The following OR51E2 variants were observed in gnomAD, a reference collection of about 807,000 sequenced individuals.
OR51E2 encodes olfactory receptor 51E2.
Under a neutral mutation model 13.7 loss-of-function variants are expected in OR51E2, and 14 were observed. The ratio of observed to expected loss-of-function variants is 1.02; its 90% CI spans 0.68 to 1.60. OR51E2 has a LOEUF of 1.60. Among genes scored for constraint, OR51E2 ranks in the 40% most tolerant of loss-of-function variants. The pLI, the probability that OR51E2 is intolerant of heterozygous loss-of-function variation, is 0.00. For missense variants in OR51E2, 483 were observed against 413.8 expected (o/e 1.17, Z -1.45); for synonymous variants, 180 against 157.6 (o/e 1.14, Z -1.07).
chr11:4,686,725 C>T (rs547868512), intron 1 of OR51E2, among the ~76,000 whole-genome samples: 1 of 152,148 alleles, frequency 6.6e-6, no homozygotes, highest in Non-Finnish European at 1.5e-5. Context: ...CTACCATGTT[C>T]ACGTAGCTAC....
intron 1 of OR51E2, chr11:4,690,971 G>A (rs1231669603): frequency 4.4e-6 from 2 of 454,070 alleles, no homozygotes; most frequent in African/African-American, 4.0e-5. Flanking sequence ...CAATGTGGGA[G>A]ACACATGTAC....
chr11:4,694,608 G>T (rs1351855846), intron 1 of OR51E2, among the ~76,000 whole-genome samples: 1 of 147,464 alleles, frequency 6.8e-6, no homozygotes, highest in Admixed American at 6.8e-5. Context: ...ACATATGCAG[G>T]GAGCTGAGCT....
intron 1 of OR51E2, chr11:4,690,947 T>C (rs1847570506): frequency 2.2e-6 from 1 of 454,406 alleles, no homozygotes; most frequent in Admixed American, 2.4e-5. Flanking sequence ...GAATGTAATA[T>C]ATAGCAAAAG....
At position 4,693,448 on chromosome 11, in the gene OR51E2, G is replaced by C. The variant is rs540826240; in HGVS notation, c.-51+4205C>G. Among the ~76,000 whole-genome samples, 4 of 152,334 alleles carry C rather than the reference G, an allele frequency of 2.6e-5. No individual in the cohort carries two copies. The South Asian group carries it at 8.3e-4, about 32-fold the overall frequency. ...TGTAAAAGTGTTGAGCAGGCTGGGC[G>C]CGGTGGCTCACGCCTGTAGTCCCAG... On this transcript the variant is annotated intron_variant, in intron 1 of 1. Transcript: ENST00000396950.
intron 1 of OR51E2, among the ~76,000 whole-genome samples, chr11:4,696,510 G>T (rs527467145): frequency 6.6e-6 from 1 of 152,132 alleles, no homozygotes; most frequent in East Asian, 1.9e-4. Context: ...GTTAGTAGTG[G>T]GTATTTGCAG....
At position 4,681,202 on chromosome 11, in the gene OR51E2, A is replaced by G. The variant is rs989713486; in HGVS notation, c.*547T>C. 1.3e-5 allele frequency: 2 copies of G among 156,884 alleles called. No individual in the cohort carries two copies. The highest frequency in any genetic ancestry group is 2.8e-5 in the Non-Finnish European group (2 of 71,064). 9.7% of individuals were successfully genotyped at this position (156,884 alleles called of 1,614,324 possible). A position where few individuals can be genotyped will look rare whatever the true frequency, so the allele number is the denominator to read the frequency against. ...CTGTCTCTACTAAAAAATACAGAAA[A>G]TTAGCCAGTCATGGTGGCACGTTCC... On this transcript the variant is annotated 3_prime_UTR_variant, in exon 2 of 2. Transcript: ENST00000396950.
intron 1 of OR51E2, among the ~76,000 whole-genome samples, chr11:4,683,661 C>T (rs76814136): frequency 0.068 from 10,303 of 152,240 alleles, 433 homozygotes; most frequent in Non-Finnish European, 0.099. Context: ...ATTAATTTTA[C>T]AATGATATTT....
intron 1 of OR51E2, among the ~76,000 whole-genome samples, chr11:4,692,764 G>A (rs1295314652): frequency 1.7e-4 from 25 of 151,242 alleles, no homozygotes; most frequent in Non-Finnish European, 2.9e-5. Flanking sequence ...TGACAAAAGA[G>A]AGGATGGAGA....
intron 1 of OR51E2, among the ~76,000 whole-genome samples, chr11:4,695,211 C>A (rs957623813): frequency 2.0e-5 from 3 of 152,110 alleles, no homozygotes; most frequent in Admixed American, 2.0e-4. Flanking sequence ...TTTTATTGAC[C>A]ACTGGAAGCA....
In OR51E2 at chr11:4,682,177, C is replaced by T. The variant is rs777767053; in HGVS notation, c.535G>A (p.Val179Ile). Residue 179 changes from valine (V) to isoleucine (I), a missense_variant, in exon 2 of 2, where the codon GTC becomes ATC. Transcript: ENST00000396950. ...HSNVLSHSYC[V>I]HQDVMKLAYA... Reference sequence around the variant, plus strand: ...GCCAACTTCATTACATCCTGGTGGACACAATAGGAGTGCGAGAGGACATTG... The same window carrying T: ...GCCAACTTCATTACATCCTGGTGGATACAATAGGAGTGCGAGAGGACATTG... The T allele has an allele frequency of 3.0e-5, 48 of 1,614,152 alleles. No individual in the cohort carries two copies. Among genetic ancestry groups the T allele is most frequent in the Non-Finnish European group, 4.1e-5 (48 of 1,180,012 alleles).
In OR51E2 at chr11:4,681,552, T is replaced by C. The variant is rs1000753420; in HGVS notation, c.*197A>G. On this transcript the variant is annotated 3_prime_UTR_variant, in exon 2 of 2. Coordinates refer to ENST00000396950, the MANE Select transcript of OR51E2 (RefSeq NM_030774.4). ...ATAAGCATGTTTGGTTTTATTGTAG[T>C]CTTTAAATCATGTAATACTTCATTA... 3 of 596,464 alleles carry C rather than the reference T, an allele frequency of 5.0e-6. No individual in the cohort carries two copies. The highest frequency in any genetic ancestry group is 3.7e-5 in the African/African-American group (2 of 54,028). 36.9% of individuals were successfully genotyped at this position (596,464 alleles called of 1,614,324 possible). A position where few individuals can be genotyped will look rare whatever the true frequency, so the allele number is the denominator to read the frequency against.
At chr11:4,688,569 G>A (rs116346675) in intron 1 of OR51E2, among the ~76,000 whole-genome samples, 70 of 152,264 alleles carry the variant, frequency 4.6e-4, no homozygotes, top group African/African-American at 1.6e-3. Context: ...AAGACAGGAT[G>A]CCCTTGGGGT....
At chr11:4,693,782 G>C (rs1847618567) in intron 1 of OR51E2, among the ~76,000 whole-genome samples, 1 of 152,056 alleles carries the variant, frequency 6.6e-6, no homozygotes, top group South Asian at 2.1e-4. Context: ...CACTTCTCTT[G>C]ATCTTGCTTT....
chr11:4,694,879 A>G (rs1305387281), intron 1 of OR51E2, among the ~76,000 whole-genome samples: 1 of 152,152 alleles, frequency 6.6e-6, no homozygotes, highest in African/African-American at 2.4e-5. Context: ...TGTTAACAGA[A>G]TGTATGCTTT....
intron 1 of OR51E2, among the ~76,000 whole-genome samples, chr11:4,694,091 C>G (rs1450638913): frequency 6.6e-6 from 1 of 152,118 alleles, no homozygotes; most frequent in Non-Finnish European, 1.5e-5. Flanking sequence ...TATGTAACCA[C>G]TTAAAAAAAT....
intron 1 of OR51E2, among the ~76,000 whole-genome samples, chr11:4,694,025 T>C (rs1470026157): frequency 6.6e-6 from 1 of 152,232 alleles, no homozygotes; most frequent in African/African-American, 2.4e-5. Context: ...TTCATGATTT[T>C]TAGTTCCTAC....
chr11:4,682,479 G>A lies in OR51E2; in HGVS notation c.233C>T (p.Pro78Leu). The A allele has an allele frequency of 6.2e-7, 1 of 1,614,206 alleles. No homozygotes were observed. Among genetic ancestry groups the A allele is most frequent in the Non-Finnish European group, 8.5e-7 (1 of 1,180,028 alleles). Residue 78 changes from proline to leucine, a missense_variant, in exon 2 of 2, where the codon CCT (proline) becomes CTT (leucine). Pro to Leu is a moderately conservative substitution (Grantham distance 98). Transcript: ENST00000396950. Reference protein sequence around the residue: ...IDLALSTSTMPKILALFWFDS... With the variant: ...IDLALSTSTMLKILALFWFDS... The stretch of plus-strand genomic sequence containing the variant: ...AAACCAGAAAAGGGCAAGGATCTTA[G>A]GCATGGTGGATGTGGATAAGGCCAG...
intron 1 of OR51E2, among the ~76,000 whole-genome samples, chr11:4,683,654 A>C (rs1328511901): frequency 6.6e-6 from 1 of 152,202 alleles, no homozygotes; most frequent in Non-Finnish European, 1.5e-5. Flanking sequence ...AAGTATTATT[A>C]ATTTTACAAT....
intron 1 of OR51E2, among the ~76,000 whole-genome samples, chr11:4,685,550 C>G (rs1203450578): frequency 6.6e-6 from 1 of 152,170 alleles, no homozygotes; most frequent in Non-Finnish European, 1.5e-5. Flanking sequence ...CTTTCCCTAA[C>G]CTTTCTTCTG....
Sources: allele counts gnomAD v4.1 joint callset (sites outside exome capture counted in the v4.1 genomes callset), GRCh38; gene constraint gnomAD v4.1.1; transcripts MANE v1.5; gene names NCBI Gene and HGNC (gene_info 2026-07-23, HGNC 2026-07-21).